The following DOCK3 variants were observed in gnomAD, a reference collection of about 807,000 sequenced individuals.
The protein encoded by DOCK3 is dedicator of cytokinesis protein 3.
DOCK3 carries 60 observed loss-of-function variants against 265.6 expected under a neutral mutation model. The observed-to-expected ratio is 0.23, with a 90% CI of 0.18 to 0.28. The LOEUF (loss-of-function observed/expected upper bound fraction) is 0.28. DOCK3 is among the 10% of genes least tolerant of loss of function. The pLI, the probability that DOCK3 is intolerant of heterozygous loss-of-function variation, is 1.00. For missense variants in DOCK3, 1,981 were observed against 2,594.3 expected (o/e 0.76, Z 5.14); for synonymous variants, 881 against 938.0 (o/e 0.94, Z 1.11).
intron 9 of DOCK3, among the ~76,000 whole-genome samples, chr3:51,114,333 C>T (rs1454869637): frequency 6.6e-6 from 1 of 152,114 alleles, no homozygotes; most frequent in South Asian, 2.1e-4. Flanking sequence ...TAGAAGCCAA[C>T]AAAGGAAACA....
intron 5 of DOCK3, among the ~76,000 whole-genome samples, chr3:51,030,456 A>T (rs2080004206): frequency 6.6e-6 from 1 of 152,108 alleles, no homozygotes; most frequent in Admixed American, 6.5e-5. Flanking sequence ...TGGCAGCATT[A>T]TAGTCATGGT....
intron 5 of DOCK3, among the ~76,000 whole-genome samples, chr3:50,955,188 A>G (rs1409786750): frequency 6.6e-6 from 1 of 152,200 alleles, no homozygotes; most frequent in African/African-American, 2.4e-5. Flanking sequence ...AAAGTAACAG[A>G]TGCTGGCAAG....
intron 5 of DOCK3, among the ~76,000 whole-genome samples, chr3:50,944,849 A>G (rs533230548): frequency 6.6e-6 from 1 of 152,200 alleles, no homozygotes; most frequent in Non-Finnish European, 1.5e-5. Context: ...AATCCCAGCT[A>G]TTCAGGAGGC....
In DOCK3 at chr3:51,265,592, A is replaced by G. The variant is rs865968864; in HGVS notation, c.2356-5223A>G. ...ATCCATCACATAAACAGAACCAATG[A>G]CAAAAACTACTTTATTATCTCAATA... On this transcript the variant is annotated intron_variant, in intron 23 of 52. Transcript: ENST00000266037. 3.9e-5 allele frequency among the ~76,000 whole-genome samples: 6 copies of G among 152,246 alleles called. 1 individual carries two copies. Among genetic ancestry groups the G allele is most frequent in the Admixed American group, 6.5e-5 (1 of 15,284 alleles).
chr3:51,285,775 A>G (rs1576654698), intron 27 of DOCK3, among the ~76,000 whole-genome samples: 1 of 152,186 alleles, frequency 6.6e-6, no homozygotes, highest in African/African-American at 2.4e-5. Context: ...TCTACTAAAA[A>G]TAAAAAAAAA....
At chr3:51,281,554 T>A (rs2081118996) in intron 27 of DOCK3, among the ~76,000 whole-genome samples, 1 of 152,170 alleles carries the variant, frequency 6.6e-6, no homozygotes, top group South Asian at 2.1e-4. Flanking sequence ...TGCCTTATGG[T>A]CAAATCTATC....
intron 9 of DOCK3, among the ~76,000 whole-genome samples, chr3:51,115,321 T>C (rs943204025): frequency 3.3e-5 from 5 of 152,220 alleles, no homozygotes; most frequent in African/African-American, 9.6e-5. Flanking sequence ...TTCCTGACTT[T>C]TTAATGATCG....
Position 50,858,012 on chromosome 3 carries a change from A to G in DOCK3, c.162+16297A>G, listed in dbSNP as rs749723531. Among the ~76,000 whole-genome samples, 28 of 152,210 alleles carry G rather than the reference A, an allele frequency of 1.8e-4. 2 individuals carry two copies. Among genetic ancestry groups the G allele is most frequent in the Non-Finnish European group, 7.3e-5 (5 of 68,040 alleles). On this transcript the variant is annotated intron_variant, in intron 3 of 52. Coordinates refer to ENST00000266037, the MANE Select transcript of DOCK3 (RefSeq NM_004947.5). Reference sequence around the variant, plus strand: ...ATTGCAGCACTATTCACAATAGCAAAAACTTGTAACCAACCCAAATGTCCA... The same window carrying G: ...ATTGCAGCACTATTCACAATAGCAAGAACTTGTAACCAACCCAAATGTCCA...
intron 35 of DOCK3, among the ~76,000 whole-genome samples, chr3:51,335,970 C>T (rs909975561): frequency 2.9e-5 from 4 of 137,072 alleles, no homozygotes; most frequent in Non-Finnish European, 4.6e-5. Context: ...CCAGCTTGGG[C>T]GACAAAATGA....
intron 5 of DOCK3, among the ~76,000 whole-genome samples, chr3:51,011,258 A>G (rs2108767849): frequency 6.6e-6 from 1 of 152,336 alleles, no homozygotes; most frequent in Admixed American, 6.5e-5. Flanking sequence ...CAGGTATACC[A>G]ATCAGACGTG....
In DOCK3 at chr3:51,121,083, C is replaced by T. The variant is rs548754386; in HGVS notation, c.747-25466C>T. 5.3e-5 allele frequency among the ~76,000 whole-genome samples: 8 copies of T among 152,268 alleles called. No individual in the cohort carries two copies. The South Asian group carries it at 1.0e-3, about 20-fold the overall frequency. On this transcript the variant is annotated intron_variant, in intron 9 of 52. Coordinates refer to ENST00000266037, the MANE Select transcript of DOCK3 (RefSeq NM_004947.5). Reference sequence around the variant, plus strand: ...CTAGCTCAGTGTCTGCCCAAACAGCCGCCCAGTTTTGTGCTTGAAACCCAG... The same window carrying T: ...CTAGCTCAGTGTCTGCCCAAACAGCTGCCCAGTTTTGTGCTTGAAACCCAG...
At chr3:50,838,780 A>G (rs991962257) in intron 2 of DOCK3, among the ~76,000 whole-genome samples, 4 of 152,190 alleles carry the variant, frequency 2.6e-5, no homozygotes, top group African/African-American at 7.2e-5. Context: ...GAGCTTATGA[A>G]CTTTTTTGGT....
rs1438962384 is a variant in DOCK3, at chr3:51,350,403, T to C, written c.4107+11T>C. ...CCTTTCTTTCTTCGGGTGAGTCCAT[T>C]CAGATGGTCACAAGAACTTATATAT... On this transcript the variant is annotated intron_variant, in intron 40 of 52. Transcript: ENST00000266037. 7 of 1,605,920 alleles carry C rather than the reference T, an allele frequency of 4.4e-6. No individual in the cohort carries two copies. The highest frequency in any genetic ancestry group is 5.9e-6 in the Non-Finnish European group (7 of 1,177,396).
intron 9 of DOCK3, among the ~76,000 whole-genome samples, chr3:51,094,482 T>C (rs1282900422): frequency 3.3e-5 from 5 of 152,152 alleles, no homozygotes; most frequent in Admixed American, 2.0e-4. Flanking sequence ...TCTCTGATGG[T>C]AGTTTGTATT....
At chr3:50,925,142 CA>C (rs1372529168) in intron 4 of DOCK3, among the ~76,000 whole-genome samples, 3 of 152,134 alleles carry the variant, frequency 2.0e-5, no homozygotes, top group Non-Finnish European at 4.4e-5. Context: ...GCCATGAATT[CA>C]ACTGATCTTG....
At chr3:50,982,764 C>T (rs969564195) in intron 5 of DOCK3, among the ~76,000 whole-genome samples, 1 of 152,140 alleles carries the variant, frequency 6.6e-6, no homozygotes, top group African/African-American at 2.4e-5. Flanking sequence ...AGTGGAGACG[C>T]AGTGTGGTCA....
intron 42 of DOCK3, 59 bp downstream of exon 42, chr3:51,356,314 TC>T: frequency 6.2e-7 from 1 of 1,612,168 alleles, no homozygotes; most frequent in African/African-American, 1.3e-5. Context: ...AAGCTCAACT[TC>T]CTTGGGAACT....
At chr3:50,998,055 A>ATATATATTTT (rs2078345348) in intron 5 of DOCK3, among the ~76,000 whole-genome samples, 1 of 152,156 alleles carries the variant, frequency 6.6e-6, no homozygotes, top group Admixed American at 6.5e-5. Flanking sequence ...TACTTTTTGA[A>ATATATATTTT]TGTTTTCTAT....
intron 5 of DOCK3, among the ~76,000 whole-genome samples, chr3:51,057,687 C>T (rs1160162279): frequency 1.3e-5 from 2 of 152,162 alleles, no homozygotes; most frequent in Admixed American, 6.6e-5. Flanking sequence ...CTAACAAGCC[C>T]AAGAACACAG....
Sources: gnomAD v4.1 joint callset for allele counts (sites outside exome capture counted in the v4.1 genomes callset) on GRCh38, gnomAD v4.1.1 for gene constraint, MANE v1.5 for transcripts, NCBI Gene and HGNC (gene_info 2026-07-23, HGNC 2026-07-21) for gene names.